BTAF1: variants seen among roughly 807,000 people sequenced by gnomAD.
BTAF1 encodes B-TFIID TATA-box binding protein associated factor 1.
BTAF1 carries 38 observed loss-of-function variants against 227.1 expected under a neutral mutation model. The observed-to-expected ratio is 0.17, with a 90% confidence interval of 0.13 to 0.22. BTAF1 has a LOEUF of 0.22. Among genes scored for constraint, BTAF1 ranks in the 10% least tolerant of loss-of-function variants. BTAF1 has a pLI of 1.00. For synonymous variants in BTAF1, 742 were observed against 751.9 expected (o/e 0.99, Z 0.21); for missense variants, 1,598 against 2,204.0 (o/e 0.73, Z 5.51).
At chr10:91,930,849 CT>C (rs1564652455) in intron 1 of BTAF1, among the ~76,000 whole-genome samples, 2 of 152,264 alleles carry the variant, frequency 1.3e-5, no homozygotes, top group Admixed American at 1.3e-4. Context: ...AATGGCTACT[CT>C]TGACTGGTCA....
chr10:92,011,044 T>TA, intron 28 of BTAF1, 29 bp from the exon 29 acceptor site: 1 of 1,536,902 alleles, frequency 6.5e-7, no homozygotes, highest in Non-Finnish European at 8.9e-7. Context: ...GGGTCTCTGT[T>TA]TTCTAATTTT....
At chr10:91,988,220 AT>A (rs925302885) in intron 19 of BTAF1, among the ~76,000 whole-genome samples, 1 of 152,120 alleles carries the variant, frequency 6.6e-6, no homozygotes, top group Non-Finnish European at 1.5e-5. Flanking sequence ...TAGTCTCTGC[AT>A]TTTTTGAGCA....
rs527771166 is a variant in BTAF1 at position 91,950,632 on chromosome 10, A to G, written c.401-771A>G. Among the ~76,000 whole-genome samples the G allele has an allele frequency of 1.4e-4, 21 of 152,198 alleles. No homozygotes were observed. The South Asian group carries it at 3.9e-3, about 28-fold the overall frequency. On this transcript the variant is annotated intron_variant, in intron 4 of 37. Transcript: ENST00000265990. ...ACTTGAGACATTTAAAAACCTGTCT[A>G]CTTTTATTCTCTTTATTATTTGGGA...
chr10:91,959,290 T>C (rs982458004), intron 9 of BTAF1, 136 bp downstream of exon 9: 12 of 1,465,456 alleles, frequency 8.2e-6, no homozygotes, highest in Non-Finnish European at 1.1e-5. Context: ...AAGGTAAATA[T>C]CATACAATGG....
rs973399057 is a variant in BTAF1 at position 91,982,090 on chromosome 10, C to T, written c.1913C>T (p.Thr638Ile). 1.2e-6 allele frequency: 2 copies of T among 1,608,298 alleles called. No homozygotes were observed. The highest frequency in any genetic ancestry group is 2.2e-5 in the East Asian group (1 of 44,716). ...LEVKARAKEK[T>I]GGKVRQGQSQ... Reference sequence around the variant, plus strand: ...TTTCCCCTCCCTCTGTAGGAAAAAACAGGTGGTAAGGTGCGCCAAGGCCAA... The same window carrying T: ...TTTCCCCTCCCTCTGTAGGAAAAAATAGGTGGTAAGGTGCGCCAAGGCCAA... Residue 638 changes from threonine (T) to isoleucine (I), a missense_variant, in exon 17 of 38, where the codon ACA (threonine) becomes ATA (isoleucine). Physicochemically the swap from Thr to Ile is moderately conservative, Grantham distance 89. Around this residue, in one of 10 missense-constraint regions of BTAF1, gnomAD observed 318 missense variants for 435.0 expected, o/e 0.73. Coordinates refer to ENST00000265990, the MANE Select transcript of BTAF1 (RefSeq NM_003972.3).
chr10:91,982,862 T>TA, intron 18 of BTAF1, 101 bp downstream of exon 18: 1 of 1,238,150 alleles, frequency 8.1e-7, no homozygotes, highest in Non-Finnish European at 1.1e-6. Flanking sequence ...TTTCGATGTA[T>TA]AAAAATCCAA....
intron 5 of BTAF1, among the ~76,000 whole-genome samples, chr10:91,952,653 A>G (rs987707320): frequency 1.3e-5 from 2 of 152,046 alleles, no homozygotes; most frequent in Non-Finnish European, 2.9e-5. Flanking sequence ...TGTAAAGTGT[A>G]TTTTTTAGGG....
chr10:91,931,479 T>C (rs531319239), intron 1 of BTAF1, among the ~76,000 whole-genome samples: 7 of 152,248 alleles, frequency 4.6e-5, no homozygotes, highest in Non-Finnish European at 1.0e-4. Context: ...TTTTTCCTGC[T>C]AGCTGTGTGC....
In BTAF1 at chr10:92,030,945, T is replaced by A. The variant is rs1012340013; in HGVS notation, c.*2012T>A. Among the ~76,000 whole-genome samples, 1 of 152,172 alleles carries A rather than the reference T, an allele frequency of 6.6e-6. No individual in the cohort carries two copies. Among genetic ancestry groups the A allele is most frequent in the African/African-American group, 2.4e-5 (1 of 41,454 alleles). On this transcript the variant is annotated 3_prime_UTR_variant, in exon 38 of 38. Coordinates refer to ENST00000265990, the MANE Select transcript of BTAF1 (RefSeq NM_003972.3). ...GTACATCTTAAGAATAATGAAGAGA[T>A]GTGGAGAATTGAACTGAGTAATGAA...
chr10:91,943,867 C>T (rs1263517371), intron 4 of BTAF1, among the ~76,000 whole-genome samples: 1 of 151,902 alleles, frequency 6.6e-6, no homozygotes, highest in African/African-American at 2.4e-5. Context: ...AAAGAAAAGC[C>T]TGGCTCAGCG....
chr10:91,992,507 T>C (rs1187222946), intron 21 of BTAF1, among the ~76,000 whole-genome samples, 198 bp downstream of exon 21: 1 of 152,166 alleles, frequency 6.6e-6, no homozygotes, highest in Non-Finnish European at 1.5e-5. Context: ...TTTTACCAGC[T>C]TAACTTTATC....
chr10:91,972,143 C>A (rs1246925496), intron 14 of BTAF1, among the ~76,000 whole-genome samples: 4 of 152,168 alleles, frequency 2.6e-5, no homozygotes, highest in Non-Finnish European at 5.9e-5. Flanking sequence ...GCCTCAGTTA[C>A]TCACAAACTG....
intron 34 of BTAF1, among the ~76,000 whole-genome samples, chr10:92,023,426 G>A (rs1193263366): frequency 2.0e-5 from 3 of 152,064 alleles, no homozygotes; most frequent in Non-Finnish European, 4.4e-5. Context: ...AGTGGCTCAC[G>A]CCTGTAATCC....
At chr10:92,012,073 CCCTCCTT>C in intron 30 of BTAF1, among the ~76,000 whole-genome samples, 1 of 132,544 alleles carries the variant, frequency 7.5e-6, no homozygotes, top group East Asian at 2.3e-4. Context: ...TTCTCTCTCT[CCCTCCTT>C]CCCTCCCTCC....
chr10:91,976,166 C>T (rs544986960), intron 14 of BTAF1, among the ~76,000 whole-genome samples: 4 of 152,076 alleles, frequency 2.6e-5, no homozygotes, highest in Non-Finnish European at 5.9e-5. Context: ...TTACAATTGC[C>T]GGTTTTCTAT....
At chr10:92,015,561 T>C (rs1850659555) in intron 32 of BTAF1, among the ~76,000 whole-genome samples, 1 of 152,236 alleles carries the variant, frequency 6.6e-6, no homozygotes, top group Admixed American at 6.5e-5. Flanking sequence ...GGAATACATT[T>C]TTGAAGTAAT....
At chr10:91,977,397 C>G (rs1019826957) in intron 14 of BTAF1, among the ~76,000 whole-genome samples, 1 of 152,092 alleles carries the variant, frequency 6.6e-6, no homozygotes, top group Admixed American at 6.5e-5. Flanking sequence ...TAAGATTTCT[C>G]TGTGTCTTTT....
intron 14 of BTAF1, among the ~76,000 whole-genome samples, chr10:91,969,201 C>G (rs10882010): frequency 0.27 from 41,309 of 151,174 alleles, 6,916 homozygotes; most frequent in Non-Finnish European, 0.38. Context: ...CCTTTTATTC[C>G]TTATTAGGTG....
chr10:91,962,179 T>G (rs1846570513), intron 11 of BTAF1, among the ~76,000 whole-genome samples: 1 of 152,222 alleles, frequency 6.6e-6, no homozygotes, highest in Non-Finnish European at 1.5e-5. Context: ...TACTGTACTT[T>G]GATTGTACCT....
Sources: gnomAD v4.1 joint callset for allele counts (sites outside exome capture counted in the v4.1 genomes callset) on GRCh38, gnomAD v4.1.1 for gene constraint, gnomAD v4.1.1 regional missense constraint, MANE v1.5 for transcripts, NCBI Gene and HGNC (gene_info 2026-07-23, HGNC 2026-07-21) for gene names.